The following MACF1 variants were observed in gnomAD, a reference collection of about 807,000 sequenced individuals.
The protein encoded by MACF1 is microtubule-actin cross-linking factor 1.
Under a neutral mutation model 854.8 loss-of-function variants are expected in MACF1, and 193 were observed. That is an observed-to-expected ratio of 0.23 (90% CI 0.20 to 0.25). The LOEUF (loss-of-function observed/expected upper bound fraction) is 0.25, where lower values mean the gene tolerates loss of function less well. Ranked by LOEUF, MACF1 falls within the 10% of genes least tolerant of loss-of-function variation. The pLI, the probability that MACF1 is intolerant of heterozygous loss-of-function variation, is 1.00. For missense variants in MACF1, 7,722 were observed against 8,929.1 expected (o/e 0.86, Z 5.45); for synonymous variants, 3,185 against 3,226.7 (o/e 0.99, Z 0.44).
chr1:39,300,241 G>A lies in MACF1; in HGVS notation c.2513G>A (p.Ser838Asn), dbSNP rs747756556. The A allele has an allele frequency of 1.9e-6, 3 of 1,614,014 alleles. No individual in the cohort carries two copies. The highest frequency in any genetic ancestry group is 3.3e-5 in the Admixed American group (2 of 60,004). ...DEKEQLIQSK[S>N]SVASLVGRSK... ...AAGGAGCAGCTTATACAGTCCAAGA[G>A]TTCCGTTGCCAGTCTCGTTGGGAGA... The change falls in exon 22 of 101, where the codon AGT becomes AAT. Residue 838 changes from serine (S) to asparagine (N), a missense_variant. Ser to Asn is a conservative substitution (Grantham distance 46, BLOSUM62 1). Transcript: ENST00000564288.
chr1:39,362,226 A>G (rs1023833543), intron 49 of MACF1, among the ~76,000 whole-genome samples: 9 of 152,250 alleles, frequency 5.9e-5, no homozygotes, highest in African/African-American at 1.9e-4. Flanking sequence ...GTAGTGGCCA[A>G]TTTGAGCTCC....
In MACF1 at chr1:39,285,373, A is replaced by G; in HGVS notation, c.1336A>G (p.Lys446Glu). 1 of 1,614,094 alleles carries G rather than the reference A, an allele frequency of 6.2e-7. No homozygotes were observed. The highest frequency in any genetic ancestry group is 8.5e-7 in the Non-Finnish European group (1 of 1,180,030). ...LNCEEKLTLA[K>E]NTLQADAAHL... ...CTGTGAAGAAAAACTGACACTAGCT[A>G]AGAATACACTGCAGGCTGTAAGTCT... The change falls in exon 13 of 101, where the codon AAG becomes GAG. Residue 446 changes from lysine to glutamate, a missense_variant. This residue lies in a region of MACF1 where 1,137 missense variants were observed against 1,263.0 expected (regional missense o/e 0.90). Transcript: ENST00000564288.
At position 39,357,378 on chromosome 1, in the gene MACF1, C is replaced by A. The variant is rs774143175; in HGVS notation, c.11428C>A (p.Arg3810Ser). 1 of 1,610,748 alleles carries A rather than the reference C, an allele frequency of 6.2e-7. No individual in the cohort carries two copies. Among genetic ancestry groups the A allele is most frequent in the South Asian group, 1.1e-5 (1 of 90,566 alleles). The change falls in exon 45 of 101, where the codon CGT becomes AGT. Residue 3810 changes from arginine (R) to serine (S), a missense_variant. Coordinates refer to ENST00000564288, the MANE Select transcript of MACF1 (RefSeq NM_001394062.1). Reference protein sequence around the residue: ...LDKQCEMMKARHQELLSQQQN... With the variant: ...LDKQCEMMKASHQELLSQQQN... ...TGGGGGGATTTTTTTTTACCAGGCC[C>A]GTCACCAAGAATTGCTGTCCCAGCA...
intron 26 of MACF1, among the ~76,000 whole-genome samples, chr1:39,312,128 A>T (rs1646313184): frequency 6.6e-6 from 1 of 152,096 alleles, no homozygotes; most frequent in African/African-American, 2.4e-5. Context: ...GGAGGCCGAG[A>T]TGGGAGAATC....
chr1:39,414,310 G>T (rs1438376922), intron 58 of MACF1: 4 of 1,613,918 alleles, frequency 2.5e-6, no homozygotes, highest in Admixed American at 1.7e-5. Context: ...CACTGACTCA[G>T]TGCCTATTTC....
intron 40 of MACF1, among the ~76,000 whole-genome samples, chr1:39,344,496 A>G (rs1263274230): frequency 1.3e-5 from 2 of 151,954 alleles, no homozygotes; most frequent in African/African-American, 4.8e-5. Flanking sequence ...AAGAGGGCCA[A>G]ACGGGCAACT....
At chr1:39,305,985 G>A (rs1234497447) in intron 23 of MACF1, among the ~76,000 whole-genome samples, 4 of 152,018 alleles carry the variant, frequency 2.6e-5, no homozygotes, top group African/African-American at 9.7e-5. Flanking sequence ...TTGTGTGTTT[G>A]TTTATTCTCT....
chr1:39,294,272 A>G (rs907533137), intron 18 of MACF1, among the ~76,000 whole-genome samples: 2 of 152,242 alleles, frequency 1.3e-5, no homozygotes, highest in African/African-American at 2.4e-5. Context: ...ATTCTTTTCA[A>G]TGAAAGATGT....
At chr1:39,258,322 A>G (rs1645119078) in intron 6 of MACF1, among the ~76,000 whole-genome samples, 1 of 152,248 alleles carries the variant, frequency 6.6e-6, no homozygotes, top group Non-Finnish European at 1.5e-5. Flanking sequence ...AGCTGAATCA[A>G]AATGAGGCTC....
intron 2 of MACF1, among the ~76,000 whole-genome samples, chr1:39,100,061 C>T (rs1451498673): frequency 2.0e-5 from 3 of 152,096 alleles, no homozygotes; most frequent in Non-Finnish European, 2.9e-5. Flanking sequence ...ACAAATAGCA[C>T]AAAAATTATC....
chr1:39,135,213 A>G (rs1182137758), intron 2 of MACF1, among the ~76,000 whole-genome samples: 1 of 152,122 alleles, frequency 6.6e-6, no homozygotes, highest in Non-Finnish European at 1.5e-5. Context: ...CTTGCTAATA[A>G]TATGATTATT....
rs371280902 is a variant in MACF1, at chr1:39,310,231, C to G, written c.2917-14C>G. ...TTTATTCTGTTGCAATTTCTTCTGG[C>G]TTTTTCTTTCTAGCTTCGATCCTCA... On this transcript the variant is annotated splice_polypyrimidine_tract_variant and intron_variant, in intron 24 of 100. Transcript: ENST00000564288. The G allele has an allele frequency of 1.7e-4, 270 of 1,590,304 alleles. 1 individual carries two copies. The Middle Eastern group carries it at 2.5e-3, about 15-fold the overall frequency.
At chr1:39,328,695 C>T (rs893513031) in intron 36 of MACF1, 10 of 152,228 alleles carry the variant, frequency 6.6e-5, no homozygotes, top group African/African-American at 1.9e-4. Flanking sequence ...CAAGGCGTGC[C>T]CTGCAACTCT....
intron 97 of MACF1, among the ~76,000 whole-genome samples, chr1:39,478,495 C>G (rs896849432): frequency 6.6e-6 from 1 of 152,168 alleles, no homozygotes; most frequent in Non-Finnish European, 1.5e-5. Context: ...CAGTTGGCAG[C>G]AGAGCTTGGA....
At chr1:39,088,032 G>T (rs1641717179) in intron 2 of MACF1, among the ~76,000 whole-genome samples, 1 of 151,846 alleles carries the variant, frequency 6.6e-6, no homozygotes, top group Non-Finnish European at 1.5e-5. Flanking sequence ...TGCAATCTCT[G>T]CTGGATCTCA....
rs1259332878 is a variant in MACF1, at chr1:39,332,756, T to C, written c.6168T>C (p.Asp2056=). ...SQNKEYPDRE[D]CTTEKGKKTT... ...ACAAAGAATATCCCGATCGGGAAGA[T>C]TGCACTACAGAAAAAGGCAAAAAGA... Residue 2056 remains aspartate, a synonymous_variant, in exon 37 of 101, where the codon GAT becomes GAC. Transcript: ENST00000564288. 7 of 1,614,098 alleles carry C rather than the reference T, an allele frequency of 4.3e-6. No individual in the cohort carries two copies. Among genetic ancestry groups the C allele is most frequent in the East Asian group, 2.2e-5 (1 of 44,872 alleles).
intron 61 of MACF1, among the ~76,000 whole-genome samples, chr1:39,426,955 C>T (rs1643748788): frequency 6.6e-6 from 1 of 152,064 alleles, no homozygotes; most frequent in Non-Finnish European, 1.5e-5. Flanking sequence ...AGGCAATATA[C>T]AGTCTTTACT....
At chr1:39,352,443 G>A (rs1000768563) in intron 43 of MACF1, among the ~76,000 whole-genome samples, 4 of 152,204 alleles carry the variant, frequency 2.6e-5, no homozygotes, top group Non-Finnish European at 4.4e-5. Context: ...GCACTTCTGT[G>A]TACCTCAAAA....
intron 96 of MACF1, among the ~76,000 whole-genome samples, chr1:39,468,958 C>A (rs901546013): frequency 6.6e-6 from 1 of 152,150 alleles, no homozygotes; most frequent in African/African-American, 2.4e-5. Context: ...TAGAGGAATG[C>A]AGTAATGAGA....
Sources: allele counts gnomAD v4.1 joint callset (sites outside exome capture counted in the v4.1 genomes callset), GRCh38; gene constraint gnomAD v4.1.1; regional missense constraint gnomAD v4.1.1; transcripts MANE v1.5; gene names NCBI Gene and HGNC (gene_info 2026-07-23, HGNC 2026-07-21).